MYO1D: variants seen among roughly 807,000 people sequenced by gnomAD.
MYO1D encodes myosin ID, also known as unconventional myosin-Id.
Under a neutral mutation model 122.0 loss-of-function variants are expected in MYO1D, and 83 were observed. The ratio of observed to expected loss-of-function variants is 0.68; its 90% CI spans 0.57 to 0.82. The LOEUF is 0.82. Ranked by LOEUF, MYO1D falls within the 40% of genes least tolerant of loss-of-function variation. The probability of loss-of-function intolerance (pLI) is 0.00; values close to 1 mark genes in which losing one functional copy is unlikely to be tolerated. For missense variants in MYO1D, 1,157 were observed against 1,269.5 expected (o/e 0.91, Z 1.35); for synonymous variants, 464 against 446.9 (o/e 1.04, Z -0.48).
intron 1 of MYO1D, among the ~76,000 whole-genome samples, chr17:32,874,962 A>G (rs1350926696): frequency 1.3e-5 from 2 of 152,194 alleles, no homozygotes; most frequent in African/African-American, 2.4e-5. Context: ...TAATTCTATT[A>G]CAGAGGAGTA....
At chr17:32,717,852 A>C (rs976938399) in intron 15 of MYO1D, among the ~76,000 whole-genome samples, 1 of 152,206 alleles carries the variant, frequency 6.6e-6, no homozygotes, top group African/African-American at 2.4e-5. Context: ...ATGCTTGACA[A>C]TCAGTGTATC....
intron 21 of MYO1D, among the ~76,000 whole-genome samples, chr17:32,575,637 C>G (rs117166245): frequency 6.6e-6 from 1 of 152,202 alleles, no homozygotes; most frequent in African/African-American, 2.4e-5. Context: ...CTTCACCCCC[C>G]ATTCCCTCTG....
intron 17 of MYO1D, among the ~76,000 whole-genome samples, chr17:32,656,207 G>A (rs567853026): frequency 2.0e-5 from 3 of 152,280 alleles, no homozygotes; most frequent in Admixed American, 2.0e-4. Flanking sequence ...AAGGCCGGCT[G>A]TTCTCAAACT....
intron 21 of MYO1D, among the ~76,000 whole-genome samples, chr17:32,520,455 G>A (rs976018173): frequency 1.3e-5 from 2 of 152,374 alleles, no homozygotes; most frequent in Non-Finnish European, 2.9e-5. Flanking sequence ...CAAAACGGGG[G>A]CAGGAACATA....
In MYO1D at chr17:32,755,487, A is replaced by G. The variant is rs2089937681; in HGVS notation, c.1467+5T>C. ...AAAGGAAGAAGGTGTCATTAAACACATTACCTTTCGGCTGGAAAAATGGGC... is the reference window on the plus strand; with the variant it reads ...AAAGGAAGAAGGTGTCATTAAACACGTTACCTTTCGGCTGGAAAAATGGGC... On this transcript the variant is annotated splice_donor_5th_base_variant and intron_variant, in intron 11 of 21. Transcript: ENST00000318217. The G allele has an allele frequency of 1.2e-6, 2 of 1,613,182 alleles. No homozygotes were observed. Among genetic ancestry groups the G allele is most frequent in the East Asian group, 2.2e-5 (1 of 44,870 alleles).
At chr17:32,651,097 A>G (rs1720451745) in intron 19 of MYO1D, among the ~76,000 whole-genome samples, 1 of 152,172 alleles carries the variant, frequency 6.6e-6, no homozygotes, top group Admixed American at 6.5e-5. Flanking sequence ...AGGTAGGATC[A>G]GAACAGTGTT....
intron 8 of MYO1D, among the ~76,000 whole-genome samples, chr17:32,763,057 T>G (rs1598076648): frequency 6.7e-6 from 1 of 149,254 alleles, no homozygotes; most frequent in South Asian, 2.2e-4. Flanking sequence ...GTGGTGGCGG[T>G]CGCCTGTAGT....
chr17:32,735,249 G>A (rs979535618), intron 14 of MYO1D, among the ~76,000 whole-genome samples: 2 of 151,998 alleles, frequency 1.3e-5, no homozygotes, highest in Admixed American at 1.3e-4. Context: ...GAATGCATTG[G>A]CACCATCTTG....
At chr17:32,795,580 G>T (rs1245586074) in intron 1 of MYO1D, among the ~76,000 whole-genome samples, 1 of 152,106 alleles carries the variant, frequency 6.6e-6, no homozygotes, top group Non-Finnish European at 1.5e-5. Flanking sequence ...GCTATACAAT[G>T]TCAGCACATG....
At chr17:32,564,139 C>G (rs948180120) in intron 21 of MYO1D, among the ~76,000 whole-genome samples, 6 of 152,202 alleles carry the variant, frequency 3.9e-5, no homozygotes, top group African/African-American at 7.2e-5. Context: ...TTGTGGAGTC[C>G]CTGGCCTGCA....
intron 21 of MYO1D, among the ~76,000 whole-genome samples, chr17:32,556,573 T>G: frequency 6.9e-6 from 1 of 145,294 alleles, no homozygotes; most frequent in African/African-American, 2.7e-5. Context: ...TTTTTTAAGA[T>G]GGGATCTTGC....
chr17:32,699,866 T>A (rs1471122367), intron 16 of MYO1D, among the ~76,000 whole-genome samples: 2 of 152,218 alleles, frequency 1.3e-5, no homozygotes. Context: ...TATACCTTAT[T>A]TCACATTATA....
intron 1 of MYO1D, among the ~76,000 whole-genome samples, chr17:32,852,436 G>A (rs2090997233): frequency 6.6e-6 from 1 of 152,120 alleles, no homozygotes; most frequent in South Asian, 2.1e-4. Context: ...AAAATGTAAA[G>A]TTTTACATTT....
chr17:32,598,480 G>A (rs2087524759), intron 21 of MYO1D, among the ~76,000 whole-genome samples: 1 of 152,220 alleles, frequency 6.6e-6, no homozygotes, highest in South Asian at 2.1e-4. Flanking sequence ...GTGGAATACA[G>A]CCTGGACTTG....
chr17:32,519,890 C>CCTTTT (rs1555622015), intron 21 of MYO1D, among the ~76,000 whole-genome samples: 3 of 92,808 alleles, frequency 3.2e-5, no homozygotes, highest in African/African-American at 1.7e-4. Flanking sequence ...AAACAGCAGG[C>CCTTTT]TTTTTTTTTT....
At chr17:32,824,348 G>A (rs1189978382) in intron 1 of MYO1D, among the ~76,000 whole-genome samples, 7 of 152,160 alleles carry the variant, frequency 4.6e-5, no homozygotes, top group African/African-American at 1.2e-4. Flanking sequence ...TTAGGAACTC[G>A]AAAAGTTGGC....
intron 21 of MYO1D, among the ~76,000 whole-genome samples, chr17:32,548,515 G>A (rs2086984262): frequency 6.6e-6 from 1 of 151,558 alleles, no homozygotes; most frequent in African/African-American, 2.4e-5. Flanking sequence ...ATAAGAAGGA[G>A]TTAGAGCTAG....
At chr17:32,649,371 A>G (rs1020371849) in intron 19 of MYO1D, among the ~76,000 whole-genome samples, 24 of 151,878 alleles carry the variant, frequency 1.6e-4, no homozygotes, top group Admixed American at 6.6e-5. Flanking sequence ...TCTTTCCCCA[A>G]CCCCTAGAAC....
At chr17:32,721,865 T>C (rs1282666536) in intron 14 of MYO1D, among the ~76,000 whole-genome samples, 1 of 152,214 alleles carries the variant, frequency 6.6e-6, no homozygotes, top group Admixed American at 6.5e-5. Context: ...ATGCTTGGCA[T>C]AGATCCTGGT....
Sources: allele counts gnomAD v4.1 joint callset (sites outside exome capture counted in the v4.1 genomes callset), GRCh38; gene constraint gnomAD v4.1.1; transcripts MANE v1.5; gene names NCBI Gene and HGNC (gene_info 2026-07-23, HGNC 2026-07-21).